TNFRSF9: variants seen among roughly 807,000 people sequenced by gnomAD.
The protein encoded by TNFRSF9 is tumor necrosis factor receptor superfamily member 9.
Under a neutral mutation model 28.8 loss-of-function variants are expected in TNFRSF9, and 16 were observed. That is an observed-to-expected ratio of 0.55 (90% CI 0.38 to 0.84). The LOEUF (loss-of-function observed/expected upper bound fraction) is 0.84, where lower values mean the gene tolerates loss of function less well. Ranked by LOEUF, TNFRSF9 falls within the 40% of genes least tolerant of loss-of-function variation. TNFRSF9 has a pLI of 0.00. For synonymous variants in TNFRSF9, 131 were observed against 117.0 expected (o/e 1.12, Z -0.77); for missense variants, 303 against 315.0 (o/e 0.96, Z 0.29).
chr1:7,938,095 G>C (rs567858589), intron 4 of TNFRSF9, 98 bp downstream of exon 4: 2 of 1,166,108 alleles, frequency 1.7e-6, no homozygotes, highest in Non-Finnish European at 2.3e-6. Context: ...TTACTTTAAG[G>C]TTCTACAAAT....
At chr1:7,930,670 G>A (rs1007253081) in intron 7 of TNFRSF9, among the ~76,000 whole-genome samples, 2 of 152,142 alleles carry the variant, frequency 1.3e-5, no homozygotes, top group African/African-American at 4.8e-5. Flanking sequence ...TTAGTAGGCT[G>A]AGGCAGGAGG....
At chr1:7,930,549 G>C (rs1557427630) in intron 7 of TNFRSF9, among the ~76,000 whole-genome samples, 1 of 152,124 alleles carries the variant, frequency 6.6e-6, no homozygotes, top group African/African-American at 2.4e-5. Flanking sequence ...CTTGAGCCCA[G>C]GAGTTTAAGA....
chr1:7,922,798 C>A (rs139396881), intron 7 of TNFRSF9, among the ~76,000 whole-genome samples: 2,515 of 151,440 alleles, frequency 0.017, 71 homozygotes, highest in African/African-American at 0.058. Context: ...GGCAACAGAG[C>A]AAGACTCCAT....
chr1:7,933,023 A>G, intron 7 of TNFRSF9, 139 bp downstream of exon 7: 1 of 1,001,862 alleles, frequency 1.0e-6, no homozygotes, highest in Non-Finnish European at 1.4e-6. Context: ...AAATATTCCC[A>G]GGGACGAAAT....
intron 5 of TNFRSF9, 120 bp downstream of exon 5, chr1:7,937,570 G>T: frequency 1.4e-6 from 1 of 738,074 alleles, no homozygotes; most frequent in South Asian, 1.7e-5. Flanking sequence ...CTGCCTATTA[G>T]TATGTTACAT....
intron 6 of TNFRSF9, among the ~76,000 whole-genome samples, chr1:7,933,977 A>G (rs1468083563): frequency 6.6e-6 from 1 of 152,072 alleles, no homozygotes; most frequent in Non-Finnish European, 1.5e-5. Context: ...AGATTGCGCC[A>G]TTGCACTCCA....
intron 5 of TNFRSF9, 75 bp downstream of exon 5, chr1:7,937,615 A>G (rs1410789223): frequency 8.0e-6 from 10 of 1,244,132 alleles, no homozygotes; most frequent in Admixed American, 1.7e-5. Flanking sequence ...AAAAGCTTCA[A>G]TGATAGCATT....
rs948722890 is a variant in TNFRSF9, at chr1:7,918,853, G to T, written c.*1982C>A. On this transcript the variant is annotated 3_prime_UTR_variant, in exon 8 of 8. Transcript: ENST00000377507. ...AAATTAAGGGCACCTGATAGTACCA[G>T]AGGGTAGCAAGGATGTGGATCAATG... 6.6e-6 allele frequency: 1 copy of T among 152,174 alleles called. No homozygotes were observed. The highest frequency in any genetic ancestry group is 2.4e-5 in the African/African-American group (1 of 41,440). 9.4% of individuals were successfully genotyped at this position (152,174 alleles called of 1,614,324 possible).
At chr1:7,934,102 G>T (rs1252867330) in intron 6 of TNFRSF9, among the ~76,000 whole-genome samples, 1 of 152,136 alleles carries the variant, frequency 6.6e-6, no homozygotes, top group African/African-American at 2.4e-5. Flanking sequence ...GGGACCAGGC[G>T]TGGCGGCTTA....
Position 7,933,238 on chromosome 1 carries a change from GA to G in TNFRSF9, c.602del (p.Phe201SerfsTer29). ...AACGGAGCGTGAGGAAGAACAGCAGGAAGAGCAACGCAGTCGACGTCAGCGC... is the reference window on the plus strand; with the variant it reads ...AACGGAGCGTGAGGAAGAACAGCAGGAGAGCAACGCAGTCGACGTCAGCGC... ...FLALTSTALLFLLFFLTLRFS... is the reference protein window; with the variant it reads ...FLALTSTALLXLLFFLTLRFS... On this transcript the variant is annotated frameshift_variant, in exon 7 of 8. Coordinates refer to ENST00000377507, the MANE Select transcript of TNFRSF9 (RefSeq NM_001561.6). LOFTEE classifies it high-confidence loss of function. 1 of 1,614,016 alleles carries G rather than the reference GA, an allele frequency of 6.2e-7. No individual in the cohort carries two copies. Among genetic ancestry groups the G allele is most frequent in the South Asian group, 1.1e-5 (1 of 91,072 alleles).
At chr1:7,927,435 G>T (rs1181064435) in intron 7 of TNFRSF9, among the ~76,000 whole-genome samples, 2 of 152,100 alleles carry the variant, frequency 1.3e-5, no homozygotes, top group Non-Finnish European at 2.9e-5. Context: ...GAGGCAAGGT[G>T]CCCCCTGACC....
rs1639683425 is a variant in TNFRSF9 at position 7,928,315 on chromosome 1, CAT to C, written c.679+4845_679+4846del. Among the ~76,000 whole-genome samples the C allele has an allele frequency of 3.3e-5, 5 of 152,312 alleles. No homozygotes were observed. The South Asian group carries it at 1.0e-3, about 32-fold the overall frequency. On this transcript the variant is annotated intron_variant, in intron 7 of 7. Transcript: ENST00000377507. ...CATTTATCATAGAGATACAAAAATA[CAT>C]GTCCACACAAAACCTGTACATAATT... is the stretch of plus-strand genomic sequence containing the variant.
At chr1:7,929,159 T>C (rs1367701894) in intron 7 of TNFRSF9, among the ~76,000 whole-genome samples, 2 of 80,398 alleles carry the variant, frequency 2.5e-5, no homozygotes, top group African/African-American at 3.1e-4. Context: ...TTCTTTTTCC[T>C]TTTTTTTTTT....
At chr1:7,921,047 C>A in intron 7 of TNFRSF9, 124 bp from the exon 8 acceptor site, 1 of 716,340 alleles carries the variant, frequency 1.4e-6, no homozygotes. Context: ...TTAATTTTAA[C>A]AAACTCAGCC....
At chr1:7,923,393 G>A (rs1304061238) in intron 7 of TNFRSF9, among the ~76,000 whole-genome samples, 1 of 152,130 alleles carries the variant, frequency 6.6e-6, no homozygotes, top group Admixed American at 6.5e-5. Flanking sequence ...GAACTCCCAC[G>A]TGTCTAGCAG....
intron 7 of TNFRSF9, among the ~76,000 whole-genome samples, chr1:7,931,764 T>C (rs1226668111): frequency 6.6e-6 from 1 of 152,278 alleles, no homozygotes; most frequent in Non-Finnish European, 1.5e-5. Context: ...TTTACATTTA[T>C]GCATTTTTCT....
At chr1:7,923,773 G>A (rs1289334982) in intron 7 of TNFRSF9, among the ~76,000 whole-genome samples, 1 of 152,118 alleles carries the variant, frequency 6.6e-6, no homozygotes, top group Non-Finnish European at 1.5e-5. Context: ...AGGAAGTTGA[G>A]GCTGCATTGA....
At position 7,919,893 on chromosome 1, in the gene TNFRSF9, AAGT is replaced by A. The variant is rs2151409467; in HGVS notation, c.*939_*941del. ...GCTTTGGTATAAAATATTATGTTAAAAGTTAAGAATTTTTAGAATGTAACCTGG... is the reference window on the plus strand; with the variant it reads ...GCTTTGGTATAAAATATTATGTTAAATAAGAATTTTTAGAATGTAACCTGG... On this transcript the variant is annotated 3_prime_UTR_variant, in exon 8 of 8. Coordinates refer to ENST00000377507, the MANE Select transcript of TNFRSF9 (RefSeq NM_001561.6). 1 of 152,396 alleles carries A rather than the reference AAGT, an allele frequency of 6.6e-6. No individual in the cohort carries two copies. The highest frequency in any genetic ancestry group is 1.9e-4 in the East Asian group (1 of 5,270). The allele number at this position is 152,396 out of a possible 1,614,324, so 9.4% of individuals were successfully genotyped here. A position where few individuals can be genotyped will look rare whatever the true frequency, so the allele number is the denominator to read the frequency against.
intron 2 of TNFRSF9, among the ~76,000 whole-genome samples, chr1:7,939,091 G>T (rs1430973036): frequency 6.6e-6 from 1 of 152,022 alleles, no homozygotes; most frequent in African/African-American, 2.4e-5. Context: ...AGGCCGAAGC[G>T]GGCAGATCAC....
Sources: gnomAD v4.1 joint callset for allele counts (sites outside exome capture counted in the v4.1 genomes callset) on GRCh38, gnomAD v4.1.1 for gene constraint, MANE v1.5 for transcripts, NCBI Gene and HGNC (gene_info 2026-07-23, HGNC 2026-07-21) for gene names.